The following AOPEP variants were observed in gnomAD, a reference collection of about 807,000 sequenced individuals.
The protein encoded by AOPEP is aminopeptidase O.
A neutral mutation model predicts 98.1 loss-of-function variants in AOPEP; 77 were observed. The ratio of observed to expected loss-of-function variants is 0.78; its 90% CI spans 0.65 to 0.95. The LOEUF is 0.95. AOPEP is among the 40% of genes least tolerant of loss of function. The pLI is 0.00. For synonymous variants in AOPEP, 346 were observed against 365.3 expected (o/e 0.95, Z 0.60); for missense variants, 1,024 against 1,024.7 (o/e 1.00, Z 0.01).
chr9:94,934,407 CTG>C (rs1412746518), intron 7 of AOPEP, among the ~76,000 whole-genome samples: 2 of 149,838 alleles, frequency 1.3e-5, no homozygotes, highest in African/African-American at 5.0e-5. Flanking sequence ...ACCTCTGACT[CTG>C]GAGCTCAGGT....
chr9:94,779,339 A>G (rs1287005647), intron 3 of AOPEP, among the ~76,000 whole-genome samples: 3 of 152,212 alleles, frequency 2.0e-5, no homozygotes, highest in Non-Finnish European at 4.4e-5. Flanking sequence ...CCAAGATGCC[A>G]TGTGGCTCTC....
At chr9:94,731,853 A>G (rs535824573) in intron 1 of AOPEP, among the ~76,000 whole-genome samples, 15 of 137,602 alleles carry the variant, frequency 1.1e-4, no homozygotes, top group African/African-American at 4.0e-4. Context: ...CTGGAGTGCA[A>G]TGGCATGATC....
chr9:95,093,021 C>T, the AOPEP span, among the ~76,000 whole-genome samples: 24 of 152,264 alleles, frequency 1.6e-4, no homozygotes, highest in Admixed American at 7.8e-4. Flanking sequence ...GAGATGAGGC[C>T]GGAGTCCGTT....
At chr9:94,894,666 T>G (rs1306847260) in intron 5 of AOPEP, among the ~76,000 whole-genome samples, 2 of 152,222 alleles carry the variant, frequency 1.3e-5, no homozygotes, top group Non-Finnish European at 2.9e-5. Flanking sequence ...AAAGATATTT[T>G]CATAGAAAGG....
chr9:95,116,680 A>G, the AOPEP span, among the ~76,000 whole-genome samples: 1 of 152,092 alleles, frequency 6.6e-6, no homozygotes, highest in Non-Finnish European at 1.5e-5. Flanking sequence ...CTTATTCTCT[A>G]TTTCCGAAAT....
chr9:95,022,280 A>C (rs1266329567), intron 13 of AOPEP: 1 of 152,214 alleles, frequency 6.6e-6, no homozygotes, highest in Non-Finnish European at 1.5e-5. Flanking sequence ...AAGTGCCTCT[A>C]TGGTATTCTT....
intron 11 of AOPEP, among the ~76,000 whole-genome samples, chr9:94,986,231 CAT>C (rs1327417549): frequency 6.6e-6 from 1 of 152,154 alleles, no homozygotes; most frequent in East Asian, 1.9e-4. Context: ...TATGCGTGCA[CAT>C]GTCTGTCCTT....
In AOPEP at chr9:94,981,636, A is replaced by G. The variant is rs528191606; in HGVS notation, c.1977+2209A>G. ...TTCCTTGCCGTTTCCACTTCACTGA[A>G]AGGCTCTACAAGGACCTGGGACCCT... On this transcript the variant is annotated intron_variant, in intron 11 of 16. Coordinates refer to ENST00000375315, the MANE Select transcript of AOPEP (RefSeq NM_001193329.3). 3.3e-4 allele frequency among the ~76,000 whole-genome samples: 50 copies of G among 152,178 alleles called. No individual in the cohort carries two copies. The South Asian group carries it at 0.01, about 31-fold the overall frequency.
chr9:95,118,634 A>C, the AOPEP span, among the ~76,000 whole-genome samples: 1 of 152,272 alleles, frequency 6.6e-6, no homozygotes, highest in East Asian at 1.9e-4. Flanking sequence ...AGTTTTGCTT[A>C]TTCTTGAATT....
At chr9:95,045,580 C>T (rs554254731) in intron 13 of AOPEP, among the ~76,000 whole-genome samples, 1 of 152,312 alleles carries the variant, frequency 6.6e-6, no homozygotes, top group African/African-American at 2.4e-5. Flanking sequence ...GGCTCTGGGT[C>T]GGGACCCTTG....
chr9:94,903,656 C>G (rs1410200583), intron 5 of AOPEP, among the ~76,000 whole-genome samples: 4 of 150,562 alleles, frequency 2.7e-5, no homozygotes, highest in Non-Finnish European at 4.4e-5. Context: ...TCAAGTTTGC[C>G]TGGGTGTGGT....
chr9:94,740,356 A>T (rs1451517627), intron 1 of AOPEP, among the ~76,000 whole-genome samples: 1 of 152,204 alleles, frequency 6.6e-6, no homozygotes, highest in East Asian at 1.9e-4. Context: ...TATGAAAGGC[A>T]TGCTCACAGG....
rs117387711 is a variant in AOPEP, at chr9:94,909,625, C to T, written c.1365-14361C>T. On this transcript the variant is annotated intron_variant, in intron 5 of 16. Transcript: ENST00000375315. ...AGAGAGAAGGCATCGCAGTCAACTG[C>T]TGTGACGTGTGTGACGTCCATCTCA... Among the ~76,000 whole-genome samples, 1,276 of 152,228 alleles carry T rather than the reference C, an allele frequency of 8.4e-3. 13 individuals are homozygous for T. Among genetic ancestry groups the T allele is most frequent in the Non-Finnish European group, 0.013 (855 of 68,004 alleles).
intron 5 of AOPEP, among the ~76,000 whole-genome samples, chr9:94,818,190 C>T (rs993295836): frequency 6.6e-6 from 1 of 152,204 alleles, no homozygotes; most frequent in Non-Finnish European, 1.5e-5. Flanking sequence ...CTCCAGAACT[C>T]TTGTGGATAA....
chr9:94,780,343 A>G lies in AOPEP; in HGVS notation c.964+7175A>G, dbSNP rs540710496. On this transcript the variant is annotated intron_variant, in intron 3 of 16. Coordinates refer to ENST00000375315, the MANE Select transcript of AOPEP (RefSeq NM_001193329.3). Reference sequence around the variant, plus strand: ...GAAAAACTTTTATAACCCCAGGAATATATCTGTGGACCTTTTTTTTTCCCC... The same window carrying G: ...GAAAAACTTTTATAACCCCAGGAATGTATCTGTGGACCTTTTTTTTTCCCC... 3.9e-5 allele frequency among the ~76,000 whole-genome samples: 6 copies of G among 152,222 alleles called. No homozygotes were observed. The East Asian group carries it at 7.7e-4, about 20-fold the overall frequency.
intron 14 of AOPEP, among the ~76,000 whole-genome samples, chr9:95,070,134 T>C (rs1455300681): frequency 6.6e-6 from 1 of 152,222 alleles, no homozygotes; most frequent in African/African-American, 2.4e-5. Context: ...GTAGACGGCC[T>C]CCACCTGTCC....
intron 5 of AOPEP, among the ~76,000 whole-genome samples, chr9:94,879,700 A>G (rs2047349980): frequency 6.6e-6 from 1 of 152,250 alleles, no homozygotes; most frequent in South Asian, 2.1e-4. Flanking sequence ...AACTGAATAA[A>G]GTCCATTTGT....
At chr9:95,099,780 G>A in the AOPEP span, 2 of 232,466 alleles carry the variant, frequency 8.6e-6, no homozygotes, top group East Asian at 6.1e-5. Context: ...AGCTGTGAAG[G>A]AACTGGGAGA....
rs1414553942 is a variant in AOPEP at position 94,886,642 on chromosome 9, T to C, written c.1365-37344T>C. The stretch of plus-strand genomic sequence containing the variant: ...GCAAGATTTTCTTAGAAAAAGTGTT[T>C]AGACTGATTTCCTACAGTTTGATTG... On this transcript the variant is annotated intron_variant, in intron 5 of 16. Transcript: ENST00000375315. Among the ~76,000 whole-genome samples the C allele has an allele frequency of 4.6e-5, 7 of 152,212 alleles. 1 individual carries two copies. The highest frequency in any genetic ancestry group is 1.7e-4 in the African/African-American group (7 of 41,460).
Sources: allele counts gnomAD v4.1 joint callset (sites outside exome capture counted in the v4.1 genomes callset), GRCh38; gene constraint gnomAD v4.1.1; transcripts MANE v1.5; gene names NCBI Gene and HGNC (gene_info 2026-07-23, HGNC 2026-07-21).